PHKA2: variants seen among roughly 807,000 people sequenced by gnomAD.
PHKA2 encodes the protein phosphorylase kinase regulatory subunit alpha 2.
PHKA2 carries 31 observed loss-of-function variants against 102.0 expected under a neutral mutation model. The ratio of observed to expected loss-of-function variants is 0.30; its 90% CI spans 0.23 to 0.41. The LOEUF (loss-of-function observed/expected upper bound fraction) is 0.41. PHKA2 is among the 10% of genes least tolerant of loss of function. PHKA2 has a pLI of 1.00. For synonymous variants in PHKA2, 455 were observed against 416.2 expected, an observed-to-expected ratio of 1.09 and a Z score of -1.13; for missense variants, 858 against 1,023.1, an observed-to-expected ratio of 0.84 and a Z score of 2.20.
intron 28 of PHKA2, among the ~76,000 whole-genome samples, chrX:18,900,101 G>T (rs778243001): frequency 9.0e-6 from 1 of 111,494 alleles, no homozygotes; most frequent in South Asian, 3.9e-4. Context: ...GAGAGATAAA[G>T]CATGTTTTAC....
In PHKA2 at chrX:18,931,665, G is replaced by A. The variant is rs1299387249; in HGVS notation, c.1221C>T (p.Tyr407=). 14 of 1,201,753 alleles carry A rather than the reference G, an allele frequency of 1.2e-5. No individual in the cohort carries two copies. The highest frequency in any genetic ancestry group is 5.3e-5 in the South Asian group (3 of 56,656). The change falls in exon 12 of 33, where the codon TAC becomes TAT. Residue 407 remains tyrosine, a synonymous_variant. Transcript: ENST00000379942. The part of the protein sequence containing the change: ...KVPHLWGQSL[Y]ILSSLLAEGF... Reference sequence around the variant, plus strand: ...CCTCTGCCAACAGCGAGCTGAGGATGTACAAGGATTGGCCCCACAGATGAG... The same window carrying A: ...CCTCTGCCAACAGCGAGCTGAGGATATACAAGGATTGGCCCCACAGATGAG...
chrX:18,913,500 G>A (rs1261143800), intron 19 of PHKA2, among the ~76,000 whole-genome samples: 1 of 109,040 alleles, frequency 9.2e-6, no homozygotes, highest in African/African-American at 3.3e-5. Flanking sequence ...CCACCTCCCT[G>A]GTTCAAGCGA....
chrX:18,897,613 C>T (rs1368359041), intron 29 of PHKA2: 6 of 362,161 alleles, frequency 1.7e-5, no homozygotes, highest in Admixed American at 4.6e-5. Context: ...CCGAACAGGG[C>T]GAGCACGGGC....
chrX:18,911,058 T>C (rs1226619012), intron 19 of PHKA2, 98 bp from the exon 20 acceptor site: 2 of 499,653 alleles, frequency 4.0e-6, no homozygotes, highest in South Asian at 2.4e-5. Context: ...CAGGCTGGAG[T>C]GCACTGGTGT....
At position 18,983,705 on chromosome X, in the gene PHKA2, G is replaced by A. The variant is rs190367972; in HGVS notation, c.78+150C>T. 1.0e-3 allele frequency: 539 copies of A among 537,942 alleles called. 1 individual carries two copies. In the African/African-American group the frequency reaches 0.011, roughly 11 times the overall value. The allele number at this position is 537,942 out of a possible 1,213,427, so 44.3% of individuals were successfully genotyped here. A position where few individuals can be genotyped will look rare whatever the true frequency, so the allele number is the denominator to read the frequency against. On this transcript the variant is annotated intron_variant, in intron 1 of 32. Coordinates refer to ENST00000379942, the MANE Select transcript of PHKA2 (RefSeq NM_000292.3). ...TCTTAAGGAGCACGGGGTGGCAATG[G>A]GGTGGTAATCACTGGCTAGCAAGGA...
At chrX:18,904,430 A>G (rs1438794337) in intron 26 of PHKA2, among the ~76,000 whole-genome samples, 1 of 112,689 alleles carries the variant, frequency 8.9e-6, no homozygotes, top group Non-Finnish European at 1.9e-5. Flanking sequence ...CTTGCTTGCA[A>G]TCGCACATAT....
At chrX:18,899,007 C>T (rs942369186) in intron 29 of PHKA2, among the ~76,000 whole-genome samples, 166 bp downstream of exon 29, 1 of 112,159 alleles carries the variant, frequency 8.9e-6, no homozygotes, top group Non-Finnish European at 1.9e-5. Context: ...CACTTTGGGG[C>T]CTTCTTTCTA....
rs1356566401 is a variant in PHKA2, at chrX:18,892,699, C to G, written c.*786G>C. The G allele has an allele frequency of 2.7e-5, 3 of 111,488 alleles. No individual in the cohort carries two copies. Among genetic ancestry groups the G allele is most frequent in the African/African-American group, 6.6e-5 (2 of 30,461 alleles). 9.2% of individuals were successfully genotyped at this position (111,488 alleles called of 1,213,427 possible). On this transcript the variant is annotated 3_prime_UTR_variant, in exon 33 of 33. Coordinates refer to ENST00000379942, the MANE Select transcript of PHKA2 (RefSeq NM_000292.3). ...CCCCACGCGAGCGGGGACAACAGGT[C>G]TAGCCCTAAACAACTGCTTGCCTGG... is the stretch of plus-strand genomic sequence containing the variant.
intron 1 of PHKA2, among the ~76,000 whole-genome samples, chrX:18,967,326 A>G (rs980154954): frequency 9.0e-6 from 1 of 111,619 alleles, no homozygotes; most frequent in South Asian, 3.8e-4. Flanking sequence ...GGCCAGTCAC[A>G]GGAGGGACTC....
At chrX:18,951,007 G>T in intron 4 of PHKA2, 97 bp downstream of exon 4, 2 of 835,072 alleles carry the variant, frequency 2.4e-6, no homozygotes, top group Non-Finnish European at 3.6e-6. Flanking sequence ...CAGTGAAGCA[G>T]CACATGGCCT....
intron 6 of PHKA2, among the ~76,000 whole-genome samples, chrX:18,944,266 T>C (rs1031459064): frequency 8.9e-6 from 1 of 112,330 alleles, no homozygotes; most frequent in East Asian, 2.8e-4. Context: ...TGTGTGTGTG[T>C]GGGTGTGTGT....
At chrX:18,936,333 C>G (rs1316690685) in intron 10 of PHKA2, among the ~76,000 whole-genome samples, 183 bp from the exon 11 acceptor site, 1 of 111,881 alleles carries the variant, frequency 8.9e-6, no homozygotes, top group Admixed American at 9.4e-5. Context: ...TTAGGAGGAG[C>G]TAAACACGAT....
chrX:18,942,367 G>C (rs1309625195), intron 7 of PHKA2, among the ~76,000 whole-genome samples: 1 of 111,864 alleles, frequency 8.9e-6, no homozygotes, highest in Non-Finnish European at 1.9e-5. Context: ...CATGGGGCTA[G>C]ACCCCTGCAA....
At chrX:18,981,880 C>T in intron 1 of PHKA2, among the ~76,000 whole-genome samples, 1 of 110,497 alleles carries the variant, frequency 9.1e-6, no homozygotes, top group South Asian at 3.9e-4. Flanking sequence ...TGTTATTATC[C>T]TCACTTTACA....
rs752842592 is a variant in PHKA2, at chrX:18,947,712, A to T, written c.537+1032T>A. On this transcript the variant is annotated intron_variant, in intron 5 of 32. Transcript: ENST00000379942. ...AAAAGACACTTGCACATGCATGTTT[A>T]TAGCAGCACAATTCACAACTGTAAA... 3.5e-5 allele frequency among the ~76,000 whole-genome samples: 4 copies of T among 112,856 alleles called. No individual in the cohort carries two copies. In the East Asian group the frequency reaches 1.1e-3, roughly 31 times the overall value.
Position 18,936,120 on chromosome X carries a change from T to C in PHKA2, c.1072A>G (p.Ile358Val). 8.3e-7 allele frequency: 1 copy of C among 1,204,336 alleles called. No homozygotes were observed. Among genetic ancestry groups the C allele is most frequent in the Non-Finnish European group, 1.1e-6 (1 of 889,463 alleles). Residue 358 changes from isoleucine (I) to valine (V), a missense_variant, in exon 11 of 33, where the codon ATA becomes GTA. Physicochemically the swap from Ile to Val is conservative, Grantham distance 29 (BLOSUM62 3). This residue lies in a region of PHKA2 where 671 missense variants were observed against 745.2 expected (regional missense o/e 0.90). Transcript: ENST00000379942. Reference sequence around the variant, plus strand: ...ATCCCATTCTTGCCTCTGATGAGTATTCCCTCCAGGGCCTCTCGGTATTCT... The same window carrying C: ...ATCCCATTCTTGCCTCTGATGAGTACTCCCTCCAGGGCCTCTCGGTATTCT... ...VQEYREALEG[I>V]LIRGKNGIRL...
chrX:18,971,146 T>C (rs1343460527), intron 1 of PHKA2, among the ~76,000 whole-genome samples: 1 of 112,578 alleles, frequency 8.9e-6, no homozygotes, highest in African/African-American at 3.2e-5. Context: ...ATTTGGGTTT[T>C]GTTTGTCATA....
At chrX:18,925,381 T>A (rs2048193052) in intron 15 of PHKA2, among the ~76,000 whole-genome samples, 1 of 112,134 alleles carries the variant, frequency 8.9e-6, no homozygotes, top group Non-Finnish European at 1.9e-5. Context: ...CAGAGATGAT[T>A]GTGATTAGGG....
intron 5 of PHKA2, 108 bp downstream of exon 5, chrX:18,948,636 G>A (rs149086588): frequency 5.3e-5 from 29 of 545,314 alleles, no homozygotes; most frequent in African/African-American, 3.0e-4. Flanking sequence ...CGCTAGTCTC[G>A]CTAACCTTTT....
Sources: gnomAD v4.1 joint callset for allele counts (sites outside exome capture counted in the v4.1 genomes callset) on GRCh38, gnomAD v4.1.1 for gene constraint, gnomAD v4.1.1 regional missense constraint, MANE v1.5 for transcripts, NCBI Gene and HGNC (gene_info 2026-07-23, HGNC 2026-07-21) for gene names.